KIAA1328: variants seen among roughly 807,000 people sequenced by gnomAD.
KIAA1328 encodes protein hinderin.
KIAA1328 carries 52 observed loss-of-function variants against 68.1 expected under a neutral mutation model. That is an observed-to-expected ratio of 0.76 (90% confidence interval 0.61 to 0.96). KIAA1328 has a LOEUF of 0.96. KIAA1328 is among the 40% of genes least tolerant of loss of function. The pLI is 0.00. For synonymous variants in KIAA1328, 232 were observed against 239.4 expected, an observed-to-expected ratio of 0.97 and a Z score of 0.28; for missense variants, 641 against 677.6, an observed-to-expected ratio of 0.95 and a Z score of 0.60.
In KIAA1328 at chr18:36,842,230, C is replaced by T. The variant is rs1196348702; in HGVS notation, c.238-1978C>T. Among the ~76,000 whole-genome samples the T allele has an allele frequency of 2.6e-5, 4 of 152,174 alleles. No individual in the cohort carries two copies. In the East Asian group the frequency reaches 5.8e-4, roughly 22 times the overall value. ...GGCCCCTTAAAGCTGCAACTTGGAC[C>T]TCTGGTGATGGGACACCAACCCGGC... is the stretch of plus-strand genomic sequence containing the variant. On this transcript the variant is annotated intron_variant, in intron 3 of 9. Coordinates refer to ENST00000280020, the MANE Select transcript of KIAA1328 (RefSeq NM_020776.3).
At chr18:37,189,146 C>G (rs768724401) in intron 9 of KIAA1328, among the ~76,000 whole-genome samples, 22 of 152,162 alleles carry the variant, frequency 1.4e-4, no homozygotes, top group Middle Eastern at 3.2e-3. Context: ...TCTGTTAACC[C>G]TGGTTACTAG....
chr18:36,998,060 G>A (rs751374714), intron 6 of KIAA1328, among the ~76,000 whole-genome samples: 10 of 152,078 alleles, frequency 6.6e-5, no homozygotes, highest in Non-Finnish European at 1.5e-4. Flanking sequence ...GCTGAGGGTC[G>A]CCCCACCCTG....
At chr18:37,071,493 A>G (rs1288433576) in intron 7 of KIAA1328, among the ~76,000 whole-genome samples, 1 of 152,196 alleles carries the variant, frequency 6.6e-6, no homozygotes, top group Non-Finnish European at 1.5e-5. Flanking sequence ...GCAACAATAA[A>G]ACTATTACAA....
intron 6 of KIAA1328, among the ~76,000 whole-genome samples, chr18:37,024,395 T>C (rs922871582): frequency 3.0e-4 from 45 of 149,914 alleles, no homozygotes; most frequent in Non-Finnish European, 5.9e-4. Context: ...ATATTTATTA[T>C]ACTTTAAGTT....
In KIAA1328 at chr18:36,988,912, C is replaced by G. The variant is rs547586431; in HGVS notation, c.576+29477C>G. On this transcript the variant is annotated intron_variant, in intron 6 of 9. Coordinates refer to ENST00000280020, the MANE Select transcript of KIAA1328 (RefSeq NM_020776.3). ...AATGGGGAAAATGTGATGAATATACCTAATACATTATCAGTTAGAATTGAA... is the reference window on the plus strand; with the variant it reads ...AATGGGGAAAATGTGATGAATATACGTAATACATTATCAGTTAGAATTGAA... Among the ~76,000 whole-genome samples the G allele has an allele frequency of 7.9e-5, 12 of 152,162 alleles. No homozygotes were observed. The East Asian group carries it at 1.9e-3, about 24-fold the overall frequency.
chr18:37,181,672 G>T (rs2059700953), intron 9 of KIAA1328, among the ~76,000 whole-genome samples: 1 of 152,140 alleles, frequency 6.6e-6, no homozygotes. Context: ...TCTTACTATA[G>T]AAAGAATATA....
intron 9 of KIAA1328, among the ~76,000 whole-genome samples, chr18:37,181,029 G>T (rs1451806835): frequency 6.6e-6 from 1 of 152,064 alleles, no homozygotes; most frequent in African/African-American, 2.4e-5. Flanking sequence ...ATATCAGATA[G>T]AATTTATTCC....
chr18:36,960,871 A>G lies in KIAA1328; in HGVS notation c.576+1436A>G, dbSNP rs545655462. 3.2e-4 allele frequency among the ~76,000 whole-genome samples: 49 copies of G among 152,338 alleles called. No individual in the cohort carries two copies. The South Asian group carries it at 8.5e-3, about 26-fold the overall frequency. On this transcript the variant is annotated intron_variant, in intron 6 of 9. Transcript: ENST00000280020. ...CAAAGGTGGGGAGAAACCAAAGCAG[A>G]GAAGCTGAAAATTCTAAAAACCAGA...
intron 4 of KIAA1328, among the ~76,000 whole-genome samples, chr18:36,869,912 G>T (rs1465305649): frequency 6.6e-6 from 1 of 152,074 alleles, no homozygotes; most frequent in East Asian, 1.9e-4. Flanking sequence ...CACCAGGCTG[G>T]AGTGCAATGG....
chr18:36,961,364 A>G (rs2051663761), intron 6 of KIAA1328, among the ~76,000 whole-genome samples: 1 of 152,214 alleles, frequency 6.6e-6, no homozygotes. Flanking sequence ...AGTGTCAGGG[A>G]GAATGGAACC....
intron 5 of KIAA1328, among the ~76,000 whole-genome samples, chr18:36,922,873 C>T (rs1195679795): frequency 2.0e-5 from 3 of 151,928 alleles, no homozygotes; most frequent in African/African-American, 7.3e-5. Context: ...GGTCATTTTA[C>T]GTACTGCCTT....
At chr18:36,856,679 A>G (rs1398693012) in intron 4 of KIAA1328, among the ~76,000 whole-genome samples, 4 of 152,144 alleles carry the variant, frequency 2.6e-5, no homozygotes, top group Non-Finnish European at 4.4e-5. Flanking sequence ...ATCTCAATGT[A>G]GCTTTCTATT....
At chr18:37,197,020 A>G (rs2060016091) in intron 9 of KIAA1328, among the ~76,000 whole-genome samples, 1 of 151,934 alleles carries the variant, frequency 6.6e-6, no homozygotes, top group South Asian at 2.1e-4. Flanking sequence ...GGCATGTTGT[A>G]TGTGTCCAGG....
chr18:36,920,368 G>A (rs1414172481), intron 5 of KIAA1328, among the ~76,000 whole-genome samples: 1 of 152,110 alleles, frequency 6.6e-6, no homozygotes, highest in Non-Finnish European at 1.5e-5. Context: ...TAAGTGTACA[G>A]CTTTATTTCT....
At chr18:36,883,822 G>A (rs2048398623) in intron 4 of KIAA1328, among the ~76,000 whole-genome samples, 1 of 151,792 alleles carries the variant, frequency 6.6e-6, no homozygotes, top group African/African-American at 2.4e-5. Flanking sequence ...TAATATTTCT[G>A]TAATCTACTT....
At chr18:37,120,669 G>A (rs1381272949) in intron 7 of KIAA1328, among the ~76,000 whole-genome samples, 1 of 152,130 alleles carries the variant, frequency 6.6e-6, no homozygotes, top group Non-Finnish European at 1.5e-5. Flanking sequence ...CTCTAGTTCT[G>A]CCTGAAAGTG....
Position 37,224,488 on chromosome 18 carries a change from A to G in KIAA1328, c.*2261A>G. The G allele has an allele frequency of 7.1e-6, 7 of 985,418 alleles. No homozygotes were observed. The highest frequency in any genetic ancestry group is 8.4e-6 in the Non-Finnish European group (7 of 829,916). The allele number at this position is 985,418 out of a possible 1,614,324, so 61.0% of individuals were successfully genotyped here. A position where few individuals can be genotyped will look rare whatever the true frequency, so the allele number is the denominator to read the frequency against. On this transcript the variant is annotated 3_prime_UTR_variant, in exon 10 of 10. Transcript: ENST00000280020. ...GTTGCCTTTTTCTAACTTAATGGAC[A>G]TTTTGTTGGTGTTGGTGCAAGGGCA...
At chr18:37,081,115 G>A (rs1324684208) in intron 7 of KIAA1328, among the ~76,000 whole-genome samples, 1 of 151,962 alleles carries the variant, frequency 6.6e-6, no homozygotes, top group Admixed American at 6.6e-5. Flanking sequence ...CCGAGTAGCT[G>A]GGATTGCAGG....
chr18:36,993,294 A>G (rs2053263526), intron 6 of KIAA1328, among the ~76,000 whole-genome samples: 1 of 152,240 alleles, frequency 6.6e-6, no homozygotes. Context: ...ATAGTCTGAC[A>G]TCTTACACTC....
Sources: allele counts gnomAD v4.1 joint callset (sites outside exome capture counted in the v4.1 genomes callset), GRCh38; gene constraint gnomAD v4.1.1; transcripts MANE v1.5; gene names NCBI Gene and HGNC (gene_info 2026-07-23, HGNC 2026-07-21).